The following BAALC variants were observed in gnomAD, a reference collection of about 807,000 sequenced individuals.
BAALC encodes BAALC binder of MAP3K1 and KLF4, also known as brain and acute leukemia cytoplasmic protein.
A neutral mutation model predicts 15.5 loss-of-function variants in BAALC; 9 were observed. That is an observed-to-expected ratio of 0.58 (90% CI 0.35 to 1.02). The LOEUF (loss-of-function observed/expected upper bound fraction) is 1.02. Among genes scored for constraint, BAALC ranks in the 50% least tolerant of loss-of-function variants. The probability of loss-of-function intolerance (pLI) is 0.02; values close to 1 mark genes in which losing one functional copy is unlikely to be tolerated. For synonymous variants in BAALC, 80 were observed against 74.6 expected, an observed-to-expected ratio of 1.07 and a Z score of -0.37; for missense variants, 201 against 192.4, an observed-to-expected ratio of 1.04 and a Z score of -0.27.
rs963535327 is a variant in BAALC at position 103,172,858 on chromosome 8, A to G, written c.160+31801A>G. 3.9e-5 allele frequency among the ~76,000 whole-genome samples: 6 copies of G among 152,352 alleles called. No individual in the cohort carries two copies. In the East Asian group the frequency reaches 1.2e-3, roughly 29 times the overall value. On this transcript the variant is annotated intron_variant, in intron 1 of 2. Coordinates refer to ENST00000309982, the MANE Select transcript of BAALC (RefSeq NM_024812.3). ...AATTATGATTTACTTAAAAATGTGT[A>G]TATTAAATCAGGTAAAGTTACTCCT...
At chr8:103,165,982 G>A (rs1021773246) in intron 1 of BAALC, 2 of 152,150 alleles carry the variant, frequency 1.3e-5, no homozygotes, top group Non-Finnish European at 2.9e-5. Flanking sequence ...GTGTGACTGG[G>A]GCTCCTCCCA....
At chr8:103,164,981 A>G (rs971878319) in intron 1 of BAALC, among the ~76,000 whole-genome samples, 3 of 152,188 alleles carry the variant, frequency 2.0e-5, no homozygotes, top group Non-Finnish European at 4.4e-5. Flanking sequence ...GTAGGAACAC[A>G]CTAACTTTGG....
At chr8:103,226,863 A>G (rs1477716065) in intron 2 of BAALC, among the ~76,000 whole-genome samples, 1 of 152,132 alleles carries the variant, frequency 6.6e-6, no homozygotes, top group Admixed American at 6.5e-5. Flanking sequence ...AGATAATATT[A>G]TTATTCCCCA....
At chr8:103,189,513 A>G (rs1285162070) in intron 1 of BAALC, among the ~76,000 whole-genome samples, 3 of 152,118 alleles carry the variant, frequency 2.0e-5, no homozygotes, top group South Asian at 2.1e-4. Context: ...AGCTGGGGGG[A>G]GAAAACTTGG....
At chr8:103,158,476 A>G (rs1323770464) in intron 1 of BAALC, among the ~76,000 whole-genome samples, 1 of 152,118 alleles carries the variant, frequency 6.6e-6, no homozygotes, top group African/African-American at 2.4e-5. Flanking sequence ...TTAAAGAAGC[A>G]CTTTAGGGCT....
At chr8:103,164,482 G>C (rs1353834195) in intron 1 of BAALC, among the ~76,000 whole-genome samples, 1 of 152,176 alleles carries the variant, frequency 6.6e-6, no homozygotes, top group Non-Finnish European at 1.5e-5. Context: ...CTTTCTGGAG[G>C]ATGGATGTGA....
intron 1 of BAALC, among the ~76,000 whole-genome samples, chr8:103,204,814 G>A (rs1812293804): frequency 6.6e-6 from 1 of 152,138 alleles, no homozygotes; most frequent in Non-Finnish European, 1.5e-5. Flanking sequence ...ATAGTATGTG[G>A]CCAACAATTT....
At chr8:103,174,058 C>T (rs145753433) in intron 1 of BAALC, among the ~76,000 whole-genome samples, 6 of 152,236 alleles carry the variant, frequency 3.9e-5, no homozygotes, top group East Asian at 3.9e-4. Context: ...CACCCATAGA[C>T]GATCCAGAGT....
At chr8:103,195,652 A>G (rs1314095286) in intron 1 of BAALC, among the ~76,000 whole-genome samples, 1 of 152,124 alleles carries the variant, frequency 6.6e-6, no homozygotes, top group Non-Finnish European at 1.5e-5. Flanking sequence ...TGATATTTCC[A>G]TAGGAATTAG....
intron 1 of BAALC, among the ~76,000 whole-genome samples, chr8:103,162,546 A>G (rs1355768296): frequency 1.3e-5 from 2 of 152,162 alleles, no homozygotes; most frequent in African/African-American, 2.4e-5. Context: ...GCATGTTTGC[A>G]TAACTGCTCA....
At chr8:103,164,532 A>G (rs1251218534) in intron 1 of BAALC, among the ~76,000 whole-genome samples, 1 of 152,102 alleles carries the variant, frequency 6.6e-6, no homozygotes, top group Non-Finnish European at 1.5e-5. Flanking sequence ...CATGACCACT[A>G]TTTCCTACTA....
intron 1 of BAALC, among the ~76,000 whole-genome samples, chr8:103,163,056 G>A (rs577379731): frequency 3.3e-5 from 5 of 152,110 alleles, no homozygotes; most frequent in South Asian, 2.1e-4. Context: ...GAGAGTCAGC[G>A]CCCATGTCCC....
intron 2 of BAALC, among the ~76,000 whole-genome samples, chr8:103,218,728 C>T (rs1812614731): frequency 6.6e-6 from 1 of 152,152 alleles, no homozygotes; most frequent in South Asian, 2.1e-4. Context: ...GACAAAGTGA[C>T]TGGACCGTGC....
chr8:103,174,915 C>A (rs373233890), intron 1 of BAALC, among the ~76,000 whole-genome samples: 1 of 152,218 alleles, frequency 6.6e-6, no homozygotes, highest in Non-Finnish European at 1.5e-5. Context: ...AATCTGACAA[C>A]AGTCCCCCAA....
intron 1 of BAALC, among the ~76,000 whole-genome samples, chr8:103,165,206 C>T (rs562629617): frequency 6.1e-4 from 93 of 152,216 alleles, no homozygotes; most frequent in African/African-American, 2.0e-3. Context: ...AGAAAACCTT[C>T]CCTTTGCATT....
rs1041827872 is a variant in BAALC at position 103,140,814 on chromosome 8, C to A, written c.-84C>A. Reference sequence around the variant, plus strand: ...CGATGTCGCCGCCGCCGCCTCCTTGCGGGCCGGGGCTGCGCCTCCGGGGCT... The same window carrying A: ...CGATGTCGCCGCCGCCGCCTCCTTGAGGGCCGGGGCTGCGCCTCCGGGGCT... On this transcript the variant is annotated 5_prime_UTR_variant, in exon 1 of 3. It introduces an in-frame stop codon into an upstream open reading frame of the 5' UTR. Coordinates refer to ENST00000309982, the MANE Select transcript of BAALC (RefSeq NM_024812.3). The surrounding 1 kb of genome is among the most constrained non-coding windows in gnomAD (Gnocchi z 4.2). 1.6e-5 allele frequency: 19 copies of A among 1,200,078 alleles called. No individual in the cohort carries two copies. The highest frequency in any genetic ancestry group is 2.0e-5 in the Non-Finnish European group (19 of 954,230). The allele number at this position is 1,200,078 out of a possible 1,614,324, so 74.3% of individuals were successfully genotyped here.
chr8:103,154,397 C>A (rs899457767), intron 1 of BAALC, among the ~76,000 whole-genome samples: 1 of 152,040 alleles, frequency 6.6e-6, no homozygotes, highest in Non-Finnish European at 1.5e-5. Flanking sequence ...TTCACCTAGA[C>A]ATTTGCAACA....
intron 1 of BAALC, among the ~76,000 whole-genome samples, chr8:103,150,581 C>T (rs1005446543): frequency 1.3e-5 from 2 of 152,208 alleles, no homozygotes; most frequent in African/African-American, 4.8e-5. Flanking sequence ...AACCAAAAGT[C>T]TGGGTAGGTT....
At chr8:103,181,540 G>C (rs1477041330) in intron 1 of BAALC, among the ~76,000 whole-genome samples, 1 of 152,130 alleles carries the variant, frequency 6.6e-6, no homozygotes, top group African/African-American at 2.4e-5. Context: ...CCAAAGTGCT[G>C]GGATTACAGG....
Sources: allele counts gnomAD v4.1 joint callset (sites outside exome capture counted in the v4.1 genomes callset), GRCh38; gene constraint gnomAD v4.1.1; non-coding constraint Gnocchi (gnomAD v3.1); transcripts MANE v1.5; gene names NCBI Gene and HGNC (gene_info 2026-07-23, HGNC 2026-07-21).